The following PTPRN2 variants were observed in gnomAD, a reference collection of about 807,000 sequenced individuals.
PTPRN2 encodes protein tyrosine phosphatase receptor type N2.
In PTPRN2, 74 loss-of-function variants were observed where a neutral mutation model predicts 118.8. The ratio of observed to expected loss-of-function variants is 0.62; its 90% CI spans 0.52 to 0.76. PTPRN2 has a LOEUF of 0.76. Among genes scored for constraint, PTPRN2 ranks in the 30% least tolerant of loss-of-function variants. The pLI, the probability that PTPRN2 is intolerant of heterozygous loss-of-function variation, is 0.00. For missense variants in PTPRN2, 1,481 were observed against 1,394.4 expected (o/e 1.06, Z -0.99); for synonymous variants, 641 against 608.0 (o/e 1.05, Z -0.80).
chr7:157,548,862 G>C, intron 22 of PTPRN2, 84 bp downstream of exon 22: 1 of 1,318,316 alleles, frequency 7.6e-7, no homozygotes, highest in Non-Finnish European at 1.1e-6. Flanking sequence ...ATTAAACCAG[G>C]CCCTCCCCGT....
At chr7:158,167,417 G>C in intron 5 of PTPRN2, 126 bp from the exon 6 acceptor site, 1 of 1,268,500 alleles carries the variant, frequency 7.9e-7, no homozygotes, top group Non-Finnish European at 1.1e-6. Context: ...GATGCCCTTC[G>C]GTCTCAGGTT....
chr7:157,919,557 A>G, intron 11 of PTPRN2, among the ~76,000 whole-genome samples: 1 of 152,202 alleles, frequency 6.6e-6, no homozygotes, highest in East Asian at 1.9e-4. Context: ...AATATAAATT[A>G]AACTATAAAA....
intron 6 of PTPRN2, among the ~76,000 whole-genome samples, chr7:158,141,352 C>T (rs1318655322): frequency 6.6e-6 from 1 of 152,232 alleles, no homozygotes; most frequent in Admixed American, 6.5e-5. Flanking sequence ...TTCACTCAGC[C>T]GCACGTCCCG....
intron 11 of PTPRN2, among the ~76,000 whole-genome samples, chr7:157,950,220 A>G (rs6459820): frequency 0.53 from 81,288 of 152,104 alleles, 22,818 homozygotes; most frequent in African/African-American, 0.69. Flanking sequence ...AAAGCTCTGT[A>G]AGGGAAAGGG....
At chr7:158,070,546 G>A (rs1278875926) in intron 11 of PTPRN2, among the ~76,000 whole-genome samples, 2 of 132,556 alleles carry the variant, frequency 1.5e-5, no homozygotes, top group Non-Finnish European at 3.2e-5. Context: ...TCCTGGTGGT[G>A]GAGGTGCCCA....
chr7:158,339,845 G>C lies in PTPRN2; in HGVS notation c.164-22913C>G, dbSNP rs368375870. ...CACACCCACACTCTCACCATAAGAAGTGACACCTGCAGACATCACTCACAC... is the reference window on the plus strand; with the variant it reads ...CACACCCACACTCTCACCATAAGAACTGACACCTGCAGACATCACTCACAC... On this transcript the variant is annotated intron_variant, in intron 2 of 22. Transcript: ENST00000389418. Among the ~76,000 whole-genome samples, 7 of 110,214 alleles carry C rather than the reference G, an allele frequency of 6.4e-5. No homozygotes were observed. The East Asian group carries it at 1.2e-3, about 19-fold the overall frequency. The allele number at this position is 110,214 out of a possible 152,430, so 72.3% of individuals were successfully genotyped here.
At chr7:158,073,432 T>C (rs1325071152) in intron 11 of PTPRN2, among the ~76,000 whole-genome samples, 1 of 152,170 alleles carries the variant, frequency 6.6e-6, no homozygotes, top group Admixed American at 6.5e-5. Context: ...CCCTGCAGGC[T>C]CCAAGTGCAC....
At chr7:157,898,546 G>C in intron 12 of PTPRN2, 127 bp downstream of exon 12, 1 of 960,140 alleles carries the variant, frequency 1.0e-6, no homozygotes, top group Non-Finnish European at 1.6e-6. Flanking sequence ...CAGCCCACTG[G>C]TCCTCCCAGG....
chr7:157,742,920 ACTC>A (rs1271141015), intron 12 of PTPRN2, among the ~76,000 whole-genome samples: 2 of 152,202 alleles, frequency 1.3e-5, no homozygotes, highest in Admixed American at 1.3e-4. Flanking sequence ...CCATCCCACT[ACTC>A]AGTTTAATCT....
intron 12 of PTPRN2, among the ~76,000 whole-genome samples, chr7:157,685,654 C>T (rs1193600011): frequency 6.6e-6 from 1 of 152,172 alleles, no homozygotes; most frequent in Non-Finnish European, 1.5e-5. Context: ...TCGCCGGGAC[C>T]CTCGACACGC....
intron 14 of PTPRN2, among the ~76,000 whole-genome samples, chr7:157,644,316 C>T (rs187769516): frequency 6.6e-6 from 1 of 152,322 alleles, no homozygotes; most frequent in East Asian, 1.9e-4. Context: ...GAGGAACAAG[C>T]CCTGCCTGCA....
In PTPRN2 at chr7:157,729,730, GA is replaced by G. The variant is rs367942557; in HGVS notation, c.1789-46794del. 2.0e-5 allele frequency among the ~76,000 whole-genome samples: 3 copies of G among 152,220 alleles called. No homozygotes were observed. The highest frequency in any genetic ancestry group is 7.2e-5 in the African/African-American group (3 of 41,460). On this transcript the variant is annotated intron_variant, in intron 12 of 22. Transcript: ENST00000389418. The surrounding 1 kb of genome is among the most constrained non-coding windows in gnomAD (Gnocchi z 4.3). The stretch of plus-strand genomic sequence containing the variant: ...CCATGTGCTGGAAAGGACCCAGGAA[GA>G]GGGCTGAGGTCTCACGCCTGGCAGA...
chr7:158,080,464 G>A (rs142346994), intron 11 of PTPRN2, among the ~76,000 whole-genome samples: 2,093 of 151,924 alleles, frequency 0.014, 21 homozygotes, highest in Non-Finnish European at 0.021. Context: ...CCCTGCCTGC[G>A]GAATGGCCCT....
intron 12 of PTPRN2, among the ~76,000 whole-genome samples, chr7:157,807,381 G>A (rs577709451): frequency 6.6e-6 from 1 of 152,220 alleles, no homozygotes; most frequent in Non-Finnish European, 1.5e-5. Flanking sequence ...GCCAGAACGA[G>A]TGTGGGTTCA....
rs193083668 is a variant in PTPRN2, at chr7:157,650,342, A to G, written c.2196+6015T>C. 2.0e-5 allele frequency among the ~76,000 whole-genome samples: 3 copies of G among 152,356 alleles called. No individual in the cohort carries two copies. In the East Asian group the frequency reaches 5.8e-4, roughly 29 times the overall value. On this transcript the variant is annotated intron_variant, in intron 14 of 22. Coordinates refer to ENST00000389418, the MANE Select transcript of PTPRN2 (RefSeq NM_002847.5). ...GGGGACTATGTACCCCTCCATGTGC[A>G]GGCCTTGCCTATGCCACGCAGTCCT...
intron 3 of PTPRN2, among the ~76,000 whole-genome samples, chr7:158,294,882 C>T (rs1385315661): frequency 6.8e-6 from 1 of 148,028 alleles, no homozygotes; most frequent in Non-Finnish European, 1.5e-5. Flanking sequence ...GCCCATGGGG[C>T]CCGCTGACCC....
At position 157,929,748 on chromosome 7, in the gene PTPRN2, G is replaced by A. The variant is rs1207648791; in HGVS notation, c.1724-31011C>T. ...CAGGGGTGAGGAGCTCTGTGCTGCTGTTGAGATGAATGGTGCCAGAAGGGA... is the reference window on the plus strand; with the variant it reads ...CAGGGGTGAGGAGCTCTGTGCTGCTATTGAGATGAATGGTGCCAGAAGGGA... On this transcript the variant is annotated intron_variant, in intron 11 of 22. Coordinates refer to ENST00000389418, the MANE Select transcript of PTPRN2 (RefSeq NM_002847.5). This position sits in a 1 kb window ranked among gnomAD's most constrained non-coding sequence, Gnocchi z 4.4. Among the ~76,000 whole-genome samples, 1 of 152,204 alleles carries A rather than the reference G, an allele frequency of 6.6e-6. No individual in the cohort carries two copies. The highest frequency in any genetic ancestry group is 2.4e-5 in the African/African-American group (1 of 41,446).
intron 10 of PTPRN2, among the ~76,000 whole-genome samples, chr7:158,109,486 T>C (rs1253011633): frequency 6.6e-6 from 1 of 151,764 alleles, no homozygotes; most frequent in Non-Finnish European, 1.5e-5. Flanking sequence ...ACATCACCCC[T>C]GTGTGAAGGG....
chr7:157,847,918 A>C (rs1339830268), intron 12 of PTPRN2, among the ~76,000 whole-genome samples: 16 of 145,500 alleles, frequency 1.1e-4, no homozygotes, highest in Non-Finnish European at 2.1e-4. Flanking sequence ...TCATTACATC[A>C]TGTGTGCCCG....
Sources: allele counts gnomAD v4.1 joint callset (sites outside exome capture counted in the v4.1 genomes callset), GRCh38; gene constraint gnomAD v4.1.1; non-coding constraint Gnocchi (gnomAD v3.1); transcripts MANE v1.5; gene names NCBI Gene and HGNC (gene_info 2026-07-23, HGNC 2026-07-21).